The following CPSF2 variants were observed in gnomAD, a reference collection of about 807,000 sequenced individuals.
CPSF2 encodes cleavage and polyadenylation specificity factor subunit 2.
In CPSF2, 51 loss-of-function variants were observed where a neutral mutation model predicts 84.2. The ratio of observed to expected loss-of-function variants is 0.61; its 90% CI spans 0.48 to 0.77. CPSF2 has a LOEUF of 0.77. Ranked by LOEUF, CPSF2 falls within the 30% of genes least tolerant of loss-of-function variation. The probability of loss-of-function intolerance (pLI) is 0.00; values close to 1 mark genes in which losing one functional copy is unlikely to be tolerated. For synonymous variants in CPSF2, 286 were observed against 311.9 expected (o/e 0.92, Z 0.87); for missense variants, 641 against 929.4 (o/e 0.69, Z 4.03).
intron 11 of CPSF2, among the ~76,000 whole-genome samples, chr14:92,155,772 A>T (rs1299304522): frequency 2.7e-5 from 1 of 37,532 alleles, no homozygotes; most frequent in Non-Finnish European, 4.2e-5. Flanking sequence ...TCTATCTTTA[A>T]AAAAAAAAAA....
At chr14:92,156,372 A>G in intron 11 of CPSF2, 107 bp from the exon 12 acceptor site, 1 of 762,182 alleles carries the variant, frequency 1.3e-6, no homozygotes, top group Non-Finnish European at 2.1e-6. Flanking sequence ...GTATATTTAA[A>G]TCTTGAGATA....
rs1230674828 is a variant in CPSF2 at position 92,166,205 on chromosome 14, A to G, written c.*4461A>G. 1.3e-5 allele frequency: 2 copies of G among 151,936 alleles called. No individual in the cohort carries two copies. The highest frequency in any genetic ancestry group is 2.9e-5 in the Non-Finnish European group (2 of 67,988). 9.4% of individuals were successfully genotyped at this position (151,936 alleles called of 1,614,324 possible). A position where few individuals can be genotyped will look rare whatever the true frequency, so the allele number is the denominator to read the frequency against. On this transcript the variant is annotated 3_prime_UTR_variant, in exon 16 of 16. Coordinates refer to ENST00000298875, the MANE Select transcript of CPSF2 (RefSeq NM_017437.3). ...AGCTATTCCTTCATTCAAAGTCACG[A>G]AGGTTTACACTTAATTTTTTTCTAT... is the stretch of plus-strand genomic sequence containing the variant.
chr14:92,157,937 G>T lies in CPSF2; in HGVS notation c.1821+53G>T. The T allele has an allele frequency of 8.0e-7, 1 of 1,251,734 alleles. No individual in the cohort carries two copies. Among genetic ancestry groups the T allele is most frequent in the Non-Finnish European group, 1.2e-6 (1 of 853,300 alleles). The allele number at this position is 1,251,734 out of a possible 1,614,324, so 77.5% of individuals were successfully genotyped here. On this transcript the variant is annotated intron_variant, in intron 13 of 15. Transcript: ENST00000298875. This position sits in a 1 kb window ranked among gnomAD's most constrained non-coding sequence, Gnocchi z 4.0. ...TAGAAATAAGTACTTTTTGTTGCAG[G>T]TTAGGACAGATAACATTAGAAATAC...
In CPSF2 at chr14:92,122,125, C is replaced by A. The variant is rs2068776866; in HGVS notation, c.-97C>A. On this transcript the variant is annotated 5_prime_UTR_variant, in exon 1 of 16. Transcript: ENST00000298875. The stretch of plus-strand genomic sequence containing the variant: ...GTGGACGGCGTTGGGGGAGGCCTGA[C>A]GAGGCAAGTGAGGGCGGGAGAAAGG... 2 of 391,604 alleles carry A rather than the reference C, an allele frequency of 5.1e-6. No individual in the cohort carries two copies. Among genetic ancestry groups the A allele is most frequent in the Non-Finnish European group, 9.7e-6 (2 of 207,076 alleles). 24.3% of individuals were successfully genotyped at this position (391,604 alleles called of 1,614,324 possible).
chr14:92,132,245 C>T (rs2068941392), intron 3 of CPSF2, among the ~76,000 whole-genome samples: 1 of 151,838 alleles, frequency 6.6e-6, no homozygotes, highest in South Asian at 2.1e-4. Context: ...AGTTATTCTC[C>T]TTCCTCAGCC....
chr14:92,141,092 A>G (rs551574248), intron 7 of CPSF2, among the ~76,000 whole-genome samples: 6 of 152,276 alleles, frequency 3.9e-5, no homozygotes, highest in African/African-American at 1.4e-4. Flanking sequence ...ATACATACAT[A>G]CAAACTATGT....
At chr14:92,143,929 C>G (rs2069112559) in intron 9 of CPSF2, among the ~76,000 whole-genome samples, 1 of 152,164 alleles carries the variant, frequency 6.6e-6, no homozygotes, top group East Asian at 1.9e-4. Context: ...AGGTTCCTTT[C>G]CTGTCTCTTG....
Position 92,134,185 on chromosome 14 carries a change from TAAA to T in CPSF2, c.309+20_309+22del, listed in dbSNP as rs748038439. 4 of 1,613,074 alleles carry T rather than the reference TAAA, an allele frequency of 2.5e-6. No homozygotes were observed. The highest frequency in any genetic ancestry group is 3.3e-5 in the Admixed American group (2 of 59,912). ...ATCTTTATCAGGTAATTTAAGCAAT[TAAA>T]AAAATTTTGTTAGCACTCCTTCAGT... On this transcript the variant is annotated intron_variant, in intron 4 of 15. Coordinates refer to ENST00000298875, the MANE Select transcript of CPSF2 (RefSeq NM_017437.3).
At chr14:92,160,551 G>T (rs1277460081) in intron 14 of CPSF2, among the ~76,000 whole-genome samples, 1 of 152,192 alleles carries the variant, frequency 6.6e-6, no homozygotes, top group Non-Finnish European at 1.5e-5. Flanking sequence ...TTGGGAGGAG[G>T]AATAAGAATA....
rs1050117872 is a variant in CPSF2 at position 92,166,343 on chromosome 14, T to C, written c.*4599T>C. 8 of 152,086 alleles carry C rather than the reference T, an allele frequency of 5.3e-5. No homozygotes were observed. Among genetic ancestry groups the C allele is most frequent in the Non-Finnish European group, 1.2e-4 (8 of 68,020 alleles). The allele number at this position is 152,086 out of a possible 1,614,324, so 9.4% of individuals were successfully genotyped here. A position where few individuals can be genotyped will look rare whatever the true frequency, so the allele number is the denominator to read the frequency against. On this transcript the variant is annotated 3_prime_UTR_variant, in exon 16 of 16. Coordinates refer to ENST00000298875, the MANE Select transcript of CPSF2 (RefSeq NM_017437.3). Reference sequence around the variant, plus strand: ...GTCTTTCATTTATTTTGAATTATTATCATTATTATTATTTTCTTTTTGAGG... The same window carrying C: ...GTCTTTCATTTATTTTGAATTATTACCATTATTATTATTTTCTTTTTGAGG...
Position 92,157,565 on chromosome 14 carries a change from C to G in CPSF2, c.1596-94C>G, listed in dbSNP as rs1386020905. On this transcript the variant is annotated intron_variant, in intron 12 of 15. Coordinates refer to ENST00000298875, the MANE Select transcript of CPSF2 (RefSeq NM_017437.3). The surrounding 1 kb of genome is among the most constrained non-coding windows in gnomAD (Gnocchi z 4.0). The stretch of plus-strand genomic sequence containing the variant: ...CAGATACTATAACATGTGTATTTCT[C>G]AAATCCTAGTGTTATATATTGTATA... 13 of 747,104 alleles carry G rather than the reference C, an allele frequency of 1.7e-5. No individual in the cohort carries two copies. The highest frequency in any genetic ancestry group is 8.8e-6 in the Non-Finnish European group (4 of 452,368). 46.3% of individuals were successfully genotyped at this position (747,104 alleles called of 1,614,324 possible).
chr14:92,133,823 A>AG (rs2068965791), intron 3 of CPSF2, among the ~76,000 whole-genome samples, 188 bp from the exon 4 acceptor site: 1 of 152,152 alleles, frequency 6.6e-6, no homozygotes, highest in Admixed American at 6.6e-5. Flanking sequence ...CTTATACCAC[A>AG]TTTTTTGTAG....
At chr14:92,148,496 G>A (rs1368010173) in intron 9 of CPSF2, among the ~76,000 whole-genome samples, 1 of 151,966 alleles carries the variant, frequency 6.6e-6, no homozygotes, top group African/African-American at 2.4e-5. Context: ...TGACCACAAT[G>A]TCCTTTATAA....
intron 7 of CPSF2, 26 bp from the exon 8 acceptor site, chr14:92,142,138 G>A (rs549771255): frequency 1.3e-6 from 2 of 1,544,370 alleles, no homozygotes; most frequent in Non-Finnish European, 1.8e-6. Context: ...TACGTTCTAT[G>A]GGGATTTTAC....
chr14:92,154,374 A>T lies in CPSF2; in HGVS notation c.1157A>T (p.Lys386Met). Residue 386 changes from lysine (K) to methionine (M), a missense_variant, in exon 10 of 16, where the codon AAG (lysine) becomes ATG (methionine). Lys to Met is a moderately conservative substitution (Grantham distance 95). Around this residue, in one of 2 missense-constraint regions of CPSF2, gnomAD observed 430 missense variants for 553.6 expected, o/e 0.78. Coordinates refer to ENST00000298875, the MANE Select transcript of CPSF2 (RefSeq NM_017437.3). ...TTTTTTTAGTTGAGGAAACGTGTGA[A>T]GCTTGAAGGGAAAGAACTTGAAGAA... is the stretch of plus-strand genomic sequence containing the variant. ...ITEIELRKRV[K>M]LEGKELEEYL... is the part of the protein sequence containing the mutation. 6.2e-7 allele frequency: 1 copy of T among 1,603,632 alleles called. No individual in the cohort carries two copies. Among genetic ancestry groups the T allele is most frequent in the South Asian group, 1.1e-5 (1 of 88,876 alleles).
At chr14:92,127,195 A>G (rs1334654525) in intron 2 of CPSF2, among the ~76,000 whole-genome samples, 1 of 152,218 alleles carries the variant, frequency 6.6e-6, no homozygotes, top group African/African-American at 2.4e-5. Flanking sequence ...AAGTAAATAA[A>G]TAAGTAGCAA....
chr14:92,129,323 G>A (rs2068885677), intron 2 of CPSF2, among the ~76,000 whole-genome samples: 1 of 152,166 alleles, frequency 6.6e-6, no homozygotes, highest in South Asian at 2.1e-4. Context: ...AAGGATTTGA[G>A]AGGGAGAAGA....
At chr14:92,138,042 C>G (rs1021691185) in intron 6 of CPSF2, among the ~76,000 whole-genome samples, 190 bp from the exon 7 acceptor site, 1 of 152,140 alleles carries the variant, frequency 6.6e-6, no homozygotes, top group African/African-American at 2.4e-5. Flanking sequence ...TAATGGTACT[C>G]TGGAAGATTT....
rs777699649 is a variant in CPSF2 at position 92,170,477 on chromosome 14, A to G, written c.*8733A>G. ...AAACCAGCATTGATAAAATTCTACCATTTGATCCACGAACCCCATTCAAAT... is the reference window on the plus strand; with the variant it reads ...AAACCAGCATTGATAAAATTCTACCGTTTGATCCACGAACCCCATTCAAAT... On this transcript the variant is annotated 3_prime_UTR_variant, in exon 16 of 16. Coordinates refer to ENST00000298875, the MANE Select transcript of CPSF2 (RefSeq NM_017437.3). 4.6e-5 allele frequency: 7 copies of G among 152,212 alleles called. No homozygotes were observed. Among genetic ancestry groups the G allele is most frequent in the African/African-American group, 1.7e-4 (7 of 41,458 alleles). The allele number at this position is 152,212 out of a possible 1,614,324, so 9.4% of individuals were successfully genotyped here.
Sources: gnomAD v4.1 joint callset for allele counts (sites outside exome capture counted in the v4.1 genomes callset) on GRCh38, gnomAD v4.1.1 for gene constraint, gnomAD v4.1.1 regional missense constraint, Gnocchi (gnomAD v3.1) non-coding constraint, MANE v1.5 for transcripts, NCBI Gene and HGNC (gene_info 2026-07-23, HGNC 2026-07-21) for gene names.